Variants in MARCHF1 observed in about 807,000 individuals in gnomAD.
MARCHF1 encodes membrane associated ring-CH-type finger 1, also known as E3 ubiquitin-protein ligase MARCHF1.
MARCHF1 carries 40 observed loss-of-function variants against 54.2 expected under a neutral mutation model. The ratio of observed to expected loss-of-function variants is 0.74; its 90% CI spans 0.57 to 0.96. The LOEUF (loss-of-function observed/expected upper bound fraction) is 0.96, where lower values mean the gene tolerates loss of function less well. Among genes scored for constraint, MARCHF1 ranks in the 40% least tolerant of loss-of-function variants. The pLI is 0.00. For synonymous variants in MARCHF1, 236 were observed against 236.3 expected, an observed-to-expected ratio of 1.00 and a Z score of 0.01; for missense variants, 586 against 656.5, an observed-to-expected ratio of 0.89 and a Z score of 1.17.
chr4:164,258,105 A>G (rs2111263407), intron 1 of MARCHF1, among the ~76,000 whole-genome samples: 1 of 152,246 alleles, frequency 6.6e-6, no homozygotes. Flanking sequence ...CTTTGCAGGG[A>G]CATGGATGGA....
intron 2 of MARCHF1, among the ~76,000 whole-genome samples, chr4:164,007,345 C>CAAAAAAAA (rs56306052): frequency 8.6e-5 from 7 of 81,758 alleles, no homozygotes; most frequent in East Asian, 4.9e-4. Flanking sequence ...GACTCCATCT[C>CAAAAAAAA]AAAAAAAAAA....
intron 3 of MARCHF1, among the ~76,000 whole-genome samples, chr4:163,958,241 G>A (rs1752270958): frequency 8.4e-6 from 1 of 118,890 alleles, no homozygotes; most frequent in African/African-American, 3.7e-5. Context: ...TTTCAATCAA[G>A]TGAGTGTGTG....
chr4:164,073,748 C>A (rs146965162), intron 2 of MARCHF1, among the ~76,000 whole-genome samples: 2 of 151,986 alleles, frequency 1.3e-5, no homozygotes, highest in African/African-American at 4.8e-5. Context: ...TTTTGATAAA[C>A]GGTAATATGA....
intron 3 of MARCHF1, among the ~76,000 whole-genome samples, chr4:163,975,178 T>TCA (rs1463720943): frequency 3.1e-5 from 4 of 129,304 alleles, no homozygotes; most frequent in African/African-American, 1.6e-4. Flanking sequence ...TCTCTCTCTC[T>TCA]CTCTCTCTCT....
intron 1 of MARCHF1, among the ~76,000 whole-genome samples, chr4:164,153,822 AAAC>A (rs1417103621): frequency 2.0e-5 from 3 of 152,204 alleles, no homozygotes; most frequent in Non-Finnish European, 4.4e-5. Context: ...AAGTCATAAA[AAAC>A]AACATGTATG....
intron 4 of MARCHF1, among the ~76,000 whole-genome samples, chr4:163,710,662 G>C (rs959556672): frequency 1.3e-5 from 2 of 151,970 alleles, no homozygotes; most frequent in African/African-American, 4.8e-5. Context: ...TACTGAAAAT[G>C]TTTCAAACGG....
intron 2 of MARCHF1, among the ~76,000 whole-genome samples, chr4:164,002,030 T>C (rs1231896880): frequency 6.6e-6 from 1 of 151,772 alleles, no homozygotes; most frequent in Non-Finnish European, 1.5e-5. Flanking sequence ...TAATAAATTA[T>C]CTTCTAGACC....
chr4:163,983,085 G>A (rs1221122015), intron 3 of MARCHF1, among the ~76,000 whole-genome samples: 1 of 152,202 alleles, frequency 6.6e-6, no homozygotes, highest in Non-Finnish European at 1.5e-5. Context: ...AATCACAACA[G>A]ATGTCCATTA....
intron 7 of MARCHF1, among the ~76,000 whole-genome samples, chr4:163,606,533 A>G (rs1163912038): frequency 6.6e-6 from 1 of 152,032 alleles, no homozygotes; most frequent in Non-Finnish European, 1.5e-5. Flanking sequence ...TAGCTTAGAA[A>G]ACCTTTTATC....
chr4:163,757,175 C>T (rs1746701834), intron 4 of MARCHF1, among the ~76,000 whole-genome samples: 1 of 152,198 alleles, frequency 6.6e-6, no homozygotes, highest in African/African-American at 2.4e-5. Context: ...CTGGCAAACA[C>T]AAACTCATTC....
chr4:163,912,580 G>A (rs1343389582), intron 3 of MARCHF1, among the ~76,000 whole-genome samples: 1 of 152,068 alleles, frequency 6.6e-6, no homozygotes, highest in African/African-American at 2.4e-5. Context: ...TGATTTGATT[G>A]TTTTCACCAT....
At chr4:163,719,303 A>T (rs1482085691) in intron 4 of MARCHF1, among the ~76,000 whole-genome samples, 1 of 151,548 alleles carries the variant, frequency 6.6e-6, no homozygotes, top group East Asian at 2.0e-4. Flanking sequence ...TTCTTGCGAT[A>T]GTTTGCTGAG....
intron 8 of MARCHF1, among the ~76,000 whole-genome samples, chr4:163,566,755 CAT>C (rs1739657702): frequency 6.6e-6 from 1 of 152,138 alleles, no homozygotes; most frequent in Non-Finnish European, 1.5e-5. Context: ...AGTGAACACA[CAT>C]AGCATCAACA....
At chr4:163,725,580 A>G (rs1338561931) in intron 4 of MARCHF1, among the ~76,000 whole-genome samples, 6 of 152,222 alleles carry the variant, frequency 3.9e-5, no homozygotes, top group Non-Finnish European at 8.8e-5. Context: ...ATAATGAATT[A>G]TACATTTTCC....
intron 4 of MARCHF1, among the ~76,000 whole-genome samples, chr4:163,817,584 C>T (rs1748575774): frequency 6.6e-6 from 1 of 151,990 alleles, no homozygotes; most frequent in Admixed American, 6.6e-5. Context: ...TTATAAACCA[C>T]ATTTCACAAT....
At chr4:163,897,373 C>T (rs780635713) in intron 3 of MARCHF1, among the ~76,000 whole-genome samples, 5 of 152,146 alleles carry the variant, frequency 3.3e-5, no homozygotes, top group Non-Finnish European at 5.9e-5. Flanking sequence ...ATTATAATCA[C>T]TTTCTTCCTC....
chr4:164,296,277 T>G (rs1394522253), intron 1 of MARCHF1, among the ~76,000 whole-genome samples: 1 of 152,230 alleles, frequency 6.6e-6, no homozygotes. Flanking sequence ...ATATTTCTCC[T>G]ACATCTGTGA....
chr4:164,218,412 G>A (rs1340909050), intron 1 of MARCHF1, among the ~76,000 whole-genome samples: 1 of 152,052 alleles, frequency 6.6e-6, no homozygotes, highest in Non-Finnish European at 1.5e-5. Context: ...GAGAATAAAA[G>A]AAGGGGAGGT....
chr4:163,716,105 GCTTTCTGAA>G (rs1745246859), intron 4 of MARCHF1, among the ~76,000 whole-genome samples: 1 of 152,116 alleles, frequency 6.6e-6, no homozygotes, highest in African/African-American at 2.4e-5. Flanking sequence ...TATGTAACTA[GCTTTCTGAA>G]ACTCCTAATG....
Sources: allele counts gnomAD v4.1 joint callset (sites outside exome capture counted in the v4.1 genomes callset), GRCh38; gene constraint gnomAD v4.1.1; transcripts MANE v1.5; gene names NCBI Gene and HGNC (gene_info 2026-07-23, HGNC 2026-07-21).